Variants in FSTL5 observed in about 807,000 individuals in gnomAD.
The protein encoded by FSTL5 is follistatin-related protein 5.
Under a neutral mutation model 89.1 loss-of-function variants are expected in FSTL5, and 62 were observed. The observed-to-expected ratio is 0.70, with a 90% CI of 0.57 to 0.86. FSTL5 has a LOEUF of 0.86. Ranked by LOEUF, FSTL5 falls within the 40% of genes least tolerant of loss-of-function variation. The probability of loss-of-function intolerance (pLI) is 0.00; values close to 1 mark genes in which losing one functional copy is unlikely to be tolerated. For missense variants in FSTL5, 1,057 were observed against 1,001.6 expected, an observed-to-expected ratio of 1.06 and a Z score of -0.75; for synonymous variants, 383 against 346.2, an observed-to-expected ratio of 1.11 and a Z score of -1.18.
chr4:161,664,475 A>G (rs1191055027), intron 6 of FSTL5, among the ~76,000 whole-genome samples: 3 of 152,188 alleles, frequency 2.0e-5, no homozygotes, highest in African/African-American at 7.2e-5. Context: ...AAACATAACA[A>G]GAGTCACCTT....
At chr4:161,579,666 A>G (rs1257609839) in intron 8 of FSTL5, among the ~76,000 whole-genome samples, 3 of 151,680 alleles carry the variant, frequency 2.0e-5, no homozygotes, top group African/African-American at 7.3e-5. Context: ...GCAGTGAGCC[A>G]AGATCGTGCC....
intron 15 of FSTL5, among the ~76,000 whole-genome samples, chr4:161,454,658 A>G (rs1423310693): frequency 2.0e-5 from 3 of 152,200 alleles, no homozygotes; most frequent in East Asian, 3.8e-4. Context: ...AAGTGATTTT[A>G]TCTTTTAAAT....
At chr4:161,537,975 T>G (rs1731685107) in intron 10 of FSTL5, among the ~76,000 whole-genome samples, 191 bp downstream of exon 10, 1 of 152,206 alleles carries the variant, frequency 6.6e-6, no homozygotes, top group African/African-American at 2.4e-5. Context: ...TAATGAAAAT[T>G]TCACAACTTT....
chr4:161,853,634 G>T (rs1731630914), intron 4 of FSTL5, among the ~76,000 whole-genome samples: 1 of 151,692 alleles, frequency 6.6e-6, no homozygotes, highest in Admixed American at 6.6e-5. Context: ...TTTTTGTTTG[G>T]ATACATGTTT....
intron 3 of FSTL5, among the ~76,000 whole-genome samples, chr4:162,030,730 A>C (rs1737489487): frequency 6.6e-6 from 1 of 152,216 alleles, no homozygotes; most frequent in African/African-American, 2.4e-5. Context: ...TCAAAAATTA[A>C]AAACTTTATT....
At chr4:161,738,741 A>G (rs1241877929) in intron 6 of FSTL5, among the ~76,000 whole-genome samples, 1 of 152,178 alleles carries the variant, frequency 6.6e-6, no homozygotes, top group East Asian at 1.9e-4. Context: ...TGGGAAATCA[A>G]AACTGTTTGG....
At chr4:161,454,163 G>A (rs145163909) in intron 15 of FSTL5, among the ~76,000 whole-genome samples, 355 of 152,108 alleles carry the variant, frequency 2.3e-3, no homozygotes, top group Non-Finnish European at 3.7e-3. Flanking sequence ...AAACAAATAC[G>A]CACAATAATC....
At chr4:161,632,156 G>A (rs535666663) in intron 7 of FSTL5, among the ~76,000 whole-genome samples, 2 of 152,202 alleles carry the variant, frequency 1.3e-5, no homozygotes, top group Admixed American at 1.3e-4. Flanking sequence ...TGAGGCAGGC[G>A]AATCATGAGG....
chr4:161,737,433 C>A (rs1308039629), intron 6 of FSTL5, among the ~76,000 whole-genome samples: 1 of 151,804 alleles, frequency 6.6e-6, no homozygotes, highest in East Asian at 1.9e-4. Context: ...GGAAGAAGAC[C>A]ACATAGTTGA....
intron 2 of FSTL5, among the ~76,000 whole-genome samples, chr4:162,102,462 T>C (rs1037046419): frequency 4.6e-5 from 7 of 150,650 alleles, no homozygotes; most frequent in African/African-American, 1.7e-4. Context: ...ATCACTCCAA[T>C]TATGTGCCAG....
At chr4:162,008,165 GT>G (rs1396477318) in intron 3 of FSTL5, among the ~76,000 whole-genome samples, 5 of 151,800 alleles carry the variant, frequency 3.3e-5, no homozygotes, top group African/African-American at 1.2e-4. Context: ...AATTTAAACT[GT>G]TTGCCCAGAT....
At chr4:161,707,665 CA>C (rs1359918615) in intron 6 of FSTL5, among the ~76,000 whole-genome samples, 1 of 151,850 alleles carries the variant, frequency 6.6e-6, no homozygotes, top group Non-Finnish European at 1.5e-5. Context: ...TTGATATACA[CA>C]AATACTTAAT....
At chr4:161,457,143 T>A (rs144452385) in intron 14 of FSTL5, among the ~76,000 whole-genome samples, 287 of 152,280 alleles carry the variant, frequency 1.9e-3, no homozygotes, top group African/African-American at 6.6e-3. Context: ...GATCCAGAGA[T>A]CTTGTGTTTC....
chr4:161,772,517 A>G (rs905372594), intron 5 of FSTL5, among the ~76,000 whole-genome samples: 10 of 152,124 alleles, frequency 6.6e-5, no homozygotes, highest in Non-Finnish European at 1.3e-4. Context: ...TACAAAATTA[A>G]TGTACACAAA....
At chr4:161,628,433 GA>G (rs1220948280) in intron 7 of FSTL5, among the ~76,000 whole-genome samples, 11 of 152,010 alleles carry the variant, frequency 7.2e-5, no homozygotes, top group Non-Finnish European at 2.9e-5. Context: ...TGACAGCCTT[GA>G]TAAAAACGGC....
At chr4:161,476,173 G>GTTTT (rs1231231673) in intron 13 of FSTL5, among the ~76,000 whole-genome samples, 7,314 of 79,944 alleles carry the variant, frequency 0.091, 751 homozygotes, top group African/African-American at 0.24. Flanking sequence ...AAGTTTGCTG[G>GTTTT]TTTTTTTTTT....
intron 4 of FSTL5, among the ~76,000 whole-genome samples, chr4:161,801,086 C>T (rs1729776647): frequency 6.6e-6 from 1 of 151,500 alleles, no homozygotes; most frequent in Admixed American, 6.6e-5. Flanking sequence ...CTACACTTGT[C>T]ATATTCTGAA....
At chr4:161,920,703 A>G (rs1208842339) in intron 3 of FSTL5, 51 bp from the exon 4 acceptor site, 34 of 1,519,594 alleles carry the variant, frequency 2.2e-5, no homozygotes, top group African/African-American at 2.8e-5. Flanking sequence ...TGTCCAAATA[A>G]TATATATATT....
At chr4:162,076,756 G>T (rs1729862847) in intron 2 of FSTL5, among the ~76,000 whole-genome samples, 1 of 151,780 alleles carries the variant, frequency 6.6e-6, no homozygotes, top group Non-Finnish European at 1.5e-5. Context: ...ATGCTCAGAT[G>T]AGAGGCCCAA....
Sources: allele counts gnomAD v4.1 joint callset (sites outside exome capture counted in the v4.1 genomes callset), GRCh38; gene constraint gnomAD v4.1.1; transcripts MANE v1.5; gene names NCBI Gene and HGNC (gene_info 2026-07-23, HGNC 2026-07-21).